Variants in PFKFB2 observed in about 807,000 individuals in gnomAD.
PFKFB2 encodes 6-phosphofructo-2-kinase/fructose-2,6-bisphosphatase 2.
Under a neutral mutation model 68.0 loss-of-function variants are expected in PFKFB2, and 53 were observed. The observed-to-expected ratio is 0.78, with a 90% confidence interval of 0.63 to 0.98. The LOEUF (loss-of-function observed/expected upper bound fraction) is 0.98. Among genes scored for constraint, PFKFB2 ranks in the 50% least tolerant of loss-of-function variants. PFKFB2 has a pLI of 0.00. For synonymous variants in PFKFB2, 222 were observed against 227.6 expected (o/e 0.98, Z 0.22); for missense variants, 451 against 642.0 (o/e 0.70, Z 3.22).
At chr1:207,071,637 C>A in intron 14 of PFKFB2, 64 bp downstream of exon 14, 1 of 1,157,382 alleles carries the variant, frequency 8.6e-7, no homozygotes, top group Non-Finnish European at 1.3e-6. Flanking sequence ...GAAGCTTTGA[C>A]ATCAAGAGAC....
At position 207,072,763 on chromosome 1, in the gene PFKFB2, G is replaced by A. The variant is rs1056744865; in HGVS notation, c.*392G>A. On this transcript the variant is annotated 3_prime_UTR_variant, in exon 15 of 15. Coordinates refer to ENST00000367080, the MANE Select transcript of PFKFB2 (RefSeq NM_006212.2). ...GGTGAAGTGTTGGGGGATGGAGGGC[G>A]GGTGAGCAGTCGGGGGACAAAAAGT... 1.1e-5 allele frequency: 11 copies of A among 1,011,502 alleles called. No individual in the cohort carries two copies. The highest frequency in any genetic ancestry group is 5.2e-5 in the African/African-American group (3 of 58,110). The allele number at this position is 1,011,502 out of a possible 1,614,324, so 62.7% of individuals were successfully genotyped here.
intron 2 of PFKFB2, among the ~76,000 whole-genome samples, chr1:207,043,019 C>CTTT (rs766354163): frequency 1.4e-5 from 2 of 142,546 alleles, no homozygotes; most frequent in South Asian, 4.5e-4. Context: ...GATTCCCAAA[C>CTTT]TTTTTTTTTT....
intron 2 of PFKFB2, among the ~76,000 whole-genome samples, chr1:207,043,261 T>C (rs1247023810): frequency 6.6e-6 from 1 of 152,244 alleles, no homozygotes; most frequent in African/African-American, 2.4e-5. Flanking sequence ...TTGGCTTGAC[T>C]TATTCTTATG....
upstream of PFKFB2, chr1:207,049,615 C>T: frequency 1.2e-6 from 2 of 1,614,200 alleles, no homozygotes; most frequent in Non-Finnish European, 1.7e-6. Context: ...GACCACGGTT[C>T]TGGTAAGCAC....
intron 1 of PFKFB2, 57 bp from the exon 2 acceptor site, chr1:207,054,644 T>G (rs538108239): frequency 2.4e-6 from 3 of 1,249,650 alleles, no homozygotes; most frequent in Admixed American, 4.0e-5. Context: ...TGACTTTTTT[T>G]AAGTTATGTC....
chr1:207,050,635 C>T, upstream of PFKFB2: 2 of 1,602,598 alleles, frequency 1.2e-6, no homozygotes, highest in Non-Finnish European at 1.7e-6. Flanking sequence ...TTCTCTCTCA[C>T]GCCCCTCTCC....
intron 1 of PFKFB2, among the ~76,000 whole-genome samples, chr1:207,054,444 A>G (rs1053261953): frequency 5.9e-5 from 9 of 152,354 alleles, no homozygotes; most frequent in Middle Eastern, 6.8e-3. Context: ...GATTATTGTT[A>G]GGACTGAAGA....
At position 207,077,030 on chromosome 1, in the gene PFKFB2, CATT is replaced by C. The variant is rs760241438; in HGVS notation, c.*4663_*4665del. 5.1e-6 allele frequency: 5 copies of C among 983,858 alleles called. No homozygotes were observed. The highest frequency in any genetic ancestry group is 6.0e-6 in the Non-Finnish European group (5 of 828,636). The allele number at this position is 983,858 out of a possible 1,614,324, so 60.9% of individuals were successfully genotyped here. On this transcript the variant is annotated 3_prime_UTR_variant, in exon 15 of 15. Coordinates refer to ENST00000367080, the MANE Select transcript of PFKFB2 (RefSeq NM_006212.2). ...TCTTATATAGTAGTGGCCAAATTCT[CATT>C]ATTTTGTACAAGATAAAGGTTATGC...
Position 207,065,108 on chromosome 1 carries a change from A to G in PFKFB2, c.580A>G (p.Ile194Val). The change falls in exon 8 of 15, where the codon ATT (isoleucine) becomes GTT (valine). Residue 194 changes from isoleucine (I) to valine (V), a missense_variant. By Grantham distance (29) the Ile-to-Val change is conservative. Transcript: ENST00000367080. The part of the protein sequence containing the change: ...ENVMEDFLKR[I>V]ECYKVTYRPL... ...CGTGATGGAGGACTTCCTGAAGAGAATTGAATGCTACAAAGTTACCTACCG... is the reference window on the plus strand; with the variant it reads ...CGTGATGGAGGACTTCCTGAAGAGAGTTGAATGCTACAAAGTTACCTACCG... 6.2e-7 allele frequency: 1 copy of G among 1,614,114 alleles called. No individual in the cohort carries two copies. The highest frequency in any genetic ancestry group is 1.1e-5 in the South Asian group (1 of 91,084).
upstream of PFKFB2, chr1:207,049,611 G>C (rs764263300): frequency 1.2e-6 from 2 of 1,614,182 alleles, no homozygotes; most frequent in Non-Finnish European, 1.7e-6. Flanking sequence ...CTGGGACCAC[G>C]GTTCTGGTAA....
At chr1:207,039,408 G>C (rs1297904102) in intron 1 of PFKFB2, among the ~76,000 whole-genome samples, 1 of 152,154 alleles carries the variant, frequency 6.6e-6, no homozygotes, top group Non-Finnish European at 1.5e-5. Context: ...TCTAAAAATA[G>C]ATTCTTATTC....
At chr1:207,059,138 G>T (rs1184485588) in intron 2 of PFKFB2, among the ~76,000 whole-genome samples, 1 of 152,158 alleles carries the variant, frequency 6.6e-6, no homozygotes, top group East Asian at 1.9e-4. Flanking sequence ...GTTGCTGGAG[G>T]GCTCTTGGGA....
chr1:207,079,953 GT>G (rs1210169944), downstream of PFKFB2: 13 of 152,238 alleles, frequency 8.5e-5, no homozygotes, highest in African/African-American at 3.1e-4. Flanking sequence ...AGCTGTGGCT[GT>G]GACTTGGAGG....
At chr1:207,078,891 C>A, downstream of PFKFB2, 1 of 1,403,506 alleles carries the variant, frequency 7.1e-7, no homozygotes. Context: ...TTCTGTTCTA[C>A]TTTTATGTTC....
chr1:207,069,345 A>G lies in PFKFB2; in HGVS notation c.988-79A>G, dbSNP rs1299268297. 6.0e-5 allele frequency: 58 copies of G among 962,526 alleles called. No homozygotes were observed. In the South Asian group the frequency reaches 7.5e-4, roughly 12 times the overall value. The allele number at this position is 962,526 out of a possible 1,614,324, so 59.6% of individuals were successfully genotyped here. On this transcript the variant is annotated intron_variant, in intron 10 of 14. Coordinates refer to ENST00000367080, the MANE Select transcript of PFKFB2 (RefSeq NM_006212.2). ...CGTACTAAGAAACTAGCATTCTTCA[A>G]TGTCATCTTCCTTATTTGGGATGGG...
intron 10 of PFKFB2, among the ~76,000 whole-genome samples, chr1:207,068,639 C>T (rs1333254974): frequency 1.3e-5 from 2 of 152,176 alleles, no homozygotes; most frequent in Non-Finnish European, 2.9e-5. Flanking sequence ...TAGCTAACAA[C>T]CCACTTCTTT....
intron 2 of PFKFB2, 22 bp downstream of exon 2, chr1:207,054,824 G>T: frequency 2.0e-6 from 3 of 1,505,850 alleles, no homozygotes; most frequent in Non-Finnish European, 1.8e-6. Context: ...CAGAGAGGAG[G>T]GACTGCTCTC....
chr1:207,074,542 T>A lies in PFKFB2; in HGVS notation c.*2171T>A. The A allele has an allele frequency of 1.0e-6, 1 of 985,420 alleles. No individual in the cohort carries two copies. Among genetic ancestry groups the A allele is most frequent in the Non-Finnish European group, 1.2e-6 (1 of 829,926 alleles). 61.0% of individuals were successfully genotyped at this position (985,420 alleles called of 1,614,324 possible). Reference sequence around the variant, plus strand: ...CTCCTGACCCCGGGTCCTTTACTCGTATGTCCCAAGTAGGATACCATAGGC... The same window carrying A: ...CTCCTGACCCCGGGTCCTTTACTCGAATGTCCCAAGTAGGATACCATAGGC... On this transcript the variant is annotated 3_prime_UTR_variant, in exon 15 of 15. Transcript: ENST00000367080.
In PFKFB2 at chr1:207,076,005, T is replaced by C. The variant is rs1047986472; in HGVS notation, c.*3634T>C. The C allele has an allele frequency of 4.1e-6, 4 of 985,486 alleles. No homozygotes were observed. The highest frequency in any genetic ancestry group is 1.7e-5 in the African/African-American group (1 of 57,380). The allele number at this position is 985,486 out of a possible 1,614,324, so 61.0% of individuals were successfully genotyped here. A position where few individuals can be genotyped will look rare whatever the true frequency, so the allele number is the denominator to read the frequency against. ...AAGCTTCTAAAAACTTGCATTGTGC[T>C]AGGGATCTGCCCTATATCTTTGCCT... On this transcript the variant is annotated 3_prime_UTR_variant, in exon 15 of 15. Transcript: ENST00000367080.
Sources: allele counts gnomAD v4.1 joint callset (sites outside exome capture counted in the v4.1 genomes callset), GRCh38; gene constraint gnomAD v4.1.1; transcripts MANE v1.5; gene names NCBI Gene and HGNC (gene_info 2026-07-23, HGNC 2026-07-21).